The following SRCAP variants were observed in gnomAD, a reference collection of about 807,000 sequenced individuals.
The protein encoded by SRCAP is Snf2 related CREBBP activator protein, also known as chromatin remodeling protein SRCAP.
In SRCAP, 46 loss-of-function variants were observed where a neutral mutation model predicts 263.1. That is an observed-to-expected ratio of 0.17 (90% CI 0.14 to 0.22). The LOEUF is 0.22. SRCAP is among the 10% of genes least tolerant of loss of function. The pLI, the probability that SRCAP is intolerant of heterozygous loss-of-function variation, is 1.00. For synonymous variants in SRCAP, 1,813 were observed against 1,662.1 expected, an observed-to-expected ratio of 1.09 and a Z score of -2.21; for missense variants, 3,695 against 4,181.9, an observed-to-expected ratio of 0.88 and a Z score of 3.21.
At chr16:30,728,937 A>G in intron 25 of SRCAP, 29 bp from the exon 26 acceptor site, 1 of 1,595,850 alleles carries the variant, frequency 6.3e-7, no homozygotes, top group Non-Finnish European at 8.6e-7. Context: ...GAGGGTGCTG[A>G]TTACTTCCTC....
intron 30 of SRCAP, chr16:30,734,272 G>A (rs569185146): frequency 9.2e-6 from 6 of 651,034 alleles, no homozygotes; most frequent in Non-Finnish European, 1.5e-5. Flanking sequence ...GAACCTAAGA[G>A]GCGGAGGTTG....
At chr16:30,727,552 A>C (rs2053075272) in intron 25 of SRCAP, among the ~76,000 whole-genome samples, 1 of 152,058 alleles carries the variant, frequency 6.6e-6, no homozygotes, top group South Asian at 2.1e-4. Flanking sequence ...ATGCCAGGCT[A>C]CTTGTTTGTT....
In SRCAP at chr16:30,729,603, ACTTCT is replaced by A. The variant is rs558195910; in HGVS notation, c.6127+37_6127+41del. 70 of 1,610,230 alleles carry A rather than the reference ACTTCT, an allele frequency of 4.3e-5. No individual in the cohort carries two copies. The African/African-American group carries it at 6.7e-4, about 15-fold the overall frequency. ...TTTGTTGGCCAGTGTAGGACCCTTG[ACTTCT>A]CTTCTTTTCTTAGTATTAAGACTGT... On this transcript the variant is annotated intron_variant, in intron 27 of 33. Transcript: ENST00000262518.
Position 30,704,053 on chromosome 16 carries a change from C to A in SRCAP, c.55-11C>A. 2 of 1,602,062 alleles carry A rather than the reference C, an allele frequency of 1.2e-6. No homozygotes were observed. Among genetic ancestry groups the A allele is most frequent in the Non-Finnish European group, 1.7e-6 (2 of 1,172,258 alleles). On this transcript the variant is annotated splice_polypyrimidine_tract_variant and intron_variant, in intron 3 of 33. Coordinates refer to ENST00000262518, the MANE Select transcript of SRCAP (RefSeq NM_006662.3). ...AGCATTTATTTTCTCCATCATTTTC[C>A]TCTTTTCTAGATGGTGTCGGACGGC... is the stretch of plus-strand genomic sequence containing the variant.
rs371915992 is a variant in SRCAP at position 30,733,309 on chromosome 16, C to T, written c.6157C>T (p.Arg2053Trp). 1.6e-5 allele frequency: 26 copies of T among 1,613,946 alleles called. No homozygotes were observed. Among genetic ancestry groups the T allele is most frequent in the African/African-American group, 4.0e-5 (3 of 74,922 alleles). Residue 2053 changes from arginine to tryptophan, a missense_variant, in exon 28 of 34, where the codon CGG becomes TGG. By Grantham distance (101) the Arg-to-Trp change is moderately radical. Coordinates refer to ENST00000262518, the MANE Select transcript of SRCAP (RefSeq NM_006662.3). The surrounding 1 kb of genome is among the most constrained non-coding windows in gnomAD (Gnocchi z 5.3). ...GTTGCAGACGTTGGCAGTGCTGTTG[C>T]GGCAGCTCAAGGCAGAGGGCCACCG... Reference protein sequence around the residue: ...GKLQTLAVLLRQLKAEGHRVL... With the variant: ...GKLQTLAVLLWQLKAEGHRVL...
At chr16:30,736,078 T>C in intron 31 of SRCAP, 122 bp from the exon 32 acceptor site, 2 of 1,175,600 alleles carry the variant, frequency 1.7e-6, no homozygotes, top group Non-Finnish European at 2.4e-6. Flanking sequence ...TAGGAGGTTG[T>C]TGAGTTCTGT....
At chr16:30,731,168 G>A (rs1370959210) in intron 27 of SRCAP, among the ~76,000 whole-genome samples, 2 of 152,194 alleles carry the variant, frequency 1.3e-5, no homozygotes, top group Non-Finnish European at 2.9e-5. Flanking sequence ...CCTCCAAGCT[G>A]ACTTTGCTTC....
intron 25 of SRCAP, among the ~76,000 whole-genome samples, chr16:30,727,588 C>CT (rs2053075567): frequency 6.6e-6 from 1 of 152,124 alleles, no homozygotes; most frequent in Admixed American, 6.5e-5. Flanking sequence ...GAGACTCACT[C>CT]TGTCACCAGG....
At chr16:30,734,873 C>T (rs189648550) in intron 31 of SRCAP, among the ~76,000 whole-genome samples, 4 of 152,184 alleles carry the variant, frequency 2.6e-5, no homozygotes, top group East Asian at 1.9e-4. Context: ...AAGTTACAAT[C>T]GTCACTCTTC....
intron 16 of SRCAP, 68 bp downstream of exon 16, chr16:30,713,779 TGCCCAGGAAACCCTTGG>T: frequency 6.7e-7 from 1 of 1,490,102 alleles, no homozygotes. Flanking sequence ...ACCTGGGCAG[TGCCCAGGAAACCCTTGG>T]GGAGAGGGAA....
rs376725094 is a variant in SRCAP at position 30,739,120 on chromosome 16, G to C, written c.9080G>C (p.Arg3027Pro). ...PRPSQLPVLDRDSTSVLESCG... is the reference protein window; with the variant it reads ...PRPSQLPVLDPDSTSVLESCG... Reference sequence around the variant, plus strand: ...CCCAGCCAGCTCCCCGTCTTGGACCGTGACAGCACTTCTGTTCTCGAGAGC... The same window carrying C: ...CCCAGCCAGCTCCCCGTCTTGGACCCTGACAGCACTTCTGTTCTCGAGAGC... The change falls in exon 34 of 34, where the codon CGT (arginine) becomes CCT (proline). Residue 3027 changes from arginine to proline, a missense_variant. Physicochemically the swap from Arg to Pro is moderately radical, Grantham distance 103. Around this residue, in one of 12 missense-constraint regions of SRCAP, gnomAD observed 1,207 missense variants for 1,142.9 expected, o/e 1.06. Transcript: ENST00000262518. 1 of 1,614,196 alleles carries C rather than the reference G, an allele frequency of 6.2e-7. No homozygotes were observed. The highest frequency in any genetic ancestry group is 1.3e-5 in the African/African-American group (1 of 75,056).
intron 16 of SRCAP, 124 bp from the exon 17 acceptor site, chr16:30,715,942 A>G (rs187855418): frequency 1.6e-6 from 2 of 1,279,878 alleles, no homozygotes; most frequent in East Asian, 2.4e-5. Flanking sequence ...CAGTTGACTC[A>G]TCTTTGTGTG....
At position 30,740,430 on chromosome 16, in the gene SRCAP, T is replaced by C; in HGVS notation, c.*697T>C. ...GCCTCAGACCTTTCCCTTTTATCCC[T>C]CTTGCTCAGGTGCTTCCTTTCACAA... On this transcript the variant is annotated 3_prime_UTR_variant, in exon 34 of 34. Coordinates refer to ENST00000262518, the MANE Select transcript of SRCAP (RefSeq NM_006662.3). The C allele has an allele frequency of 6.6e-6, 1 of 152,462 alleles. No individual in the cohort carries two copies. Among genetic ancestry groups the C allele is most frequent in the Non-Finnish European group, 1.5e-5 (1 of 68,122 alleles). 9.4% of individuals were successfully genotyped at this position (152,462 alleles called of 1,614,324 possible).
At chr16:30,702,099 G>C (rs985619450) in intron 3 of SRCAP, among the ~76,000 whole-genome samples, 1 of 151,424 alleles carries the variant, frequency 6.6e-6, no homozygotes, top group African/African-American at 2.4e-5. Flanking sequence ...GACTACAGGT[G>C]CGCGCCACCA....
chr16:30,734,698 A>AG, intron 31 of SRCAP, 83 bp downstream of exon 31: 1 of 1,582,442 alleles, frequency 6.3e-7, no homozygotes, highest in South Asian at 1.1e-5. Flanking sequence ...GAGCTTGTCC[A>AG]GGGGAAAGAG....
intron 33 of SRCAP, 127 bp from the exon 34 acceptor site, chr16:30,736,922 C>G: frequency 9.1e-7 from 1 of 1,099,100 alleles, no homozygotes; most frequent in Non-Finnish European, 1.3e-6. Flanking sequence ...GACCTGCTGG[C>G]CTTAACTTCC....
intron 3 of SRCAP, 131 bp downstream of exon 3, chr16:30,701,009 A>G: frequency 2.4e-6 from 2 of 827,242 alleles, no homozygotes; most frequent in Admixed American, 2.1e-5. Context: ...GCTGGGCTGT[A>G]GTATATCAGG....
intron 15 of SRCAP, 44 bp downstream of exon 15, chr16:30,713,421 G>T (rs1190441892): frequency 1.2e-6 from 2 of 1,612,802 alleles, no homozygotes; most frequent in African/African-American, 1.3e-5. Flanking sequence ...GACTTGGCTA[G>T]AAGGGAGGGC....
At chr16:30,719,195 C>G (rs2052984199) in intron 18 of SRCAP, among the ~76,000 whole-genome samples, 1 of 94,296 alleles carries the variant, frequency 1.1e-5, no homozygotes, top group South Asian at 2.9e-4. Flanking sequence ...GGTGCCCCGC[C>G]TATTATTTAT....
Sources: allele counts gnomAD v4.1 joint callset (sites outside exome capture counted in the v4.1 genomes callset), GRCh38; gene constraint gnomAD v4.1.1; regional missense constraint gnomAD v4.1.1; non-coding constraint Gnocchi (gnomAD v3.1); transcripts MANE v1.5; gene names NCBI Gene and HGNC (gene_info 2026-07-23, HGNC 2026-07-21).